TRPM3: variants seen among roughly 807,000 people sequenced by gnomAD.
TRPM3 encodes long transient receptor potential channel 3.
A neutral mutation model predicts 181.2 loss-of-function variants in TRPM3; 77 were observed. The ratio of observed to expected loss-of-function variants is 0.42; its 90% confidence interval spans 0.35 to 0.51. The LOEUF (loss-of-function observed/expected upper bound fraction) is 0.51. TRPM3 is among the 20% of genes least tolerant of loss of function. The pLI, the probability that TRPM3 is intolerant of heterozygous loss-of-function variation, is 0.01. For missense variants in TRPM3, 1,759 were observed against 2,196.7 expected, an observed-to-expected ratio of 0.80 and a Z score of 3.98; for synonymous variants, 745 against 796.4, an observed-to-expected ratio of 0.94 and a Z score of 1.09.
intron 1 of TRPM3, among the ~76,000 whole-genome samples, chr9:71,103,400 G>A (rs2068780208): frequency 6.6e-6 from 1 of 152,176 alleles, no homozygotes; most frequent in Non-Finnish European, 1.5e-5. Flanking sequence ...TCAACCTGCT[G>A]AGGTCAAAAT....
chr9:70,923,803 A>ACACT (rs1222991757), intron 1 of TRPM3, among the ~76,000 whole-genome samples: 36 of 143,472 alleles, frequency 2.5e-4, no homozygotes, highest in East Asian at 1.2e-3. Flanking sequence ...ACACACACAC[A>ACACT]CTCTCTCTCT....
At chr9:71,086,054 G>A (rs950822088) in intron 1 of TRPM3, among the ~76,000 whole-genome samples, 1 of 151,892 alleles carries the variant, frequency 6.6e-6, no homozygotes, top group Non-Finnish European at 1.5e-5. Context: ...GCAGCAACAT[G>A]GACACAGCTA....
chr9:70,977,780 AAC>A (rs1429536172), intron 1 of TRPM3, among the ~76,000 whole-genome samples: 1 of 152,202 alleles, frequency 6.6e-6, no homozygotes, highest in East Asian at 1.9e-4. Flanking sequence ...TGTTAGAAAG[AAC>A]ACAACTCAGG....
chr9:71,121,697 T>G, upstream of TRPM3: 2 of 1,020,702 alleles, frequency 2.0e-6, no homozygotes, highest in Non-Finnish European at 2.4e-6. Flanking sequence ...ATTGCTTTGC[T>G]AGCTTGGTTT....
chr9:71,333,249 G>A (rs1017780665), intron 1 of TRPM3, among the ~76,000 whole-genome samples: 18 of 151,876 alleles, frequency 1.2e-4, no homozygotes, highest in South Asian at 6.2e-4. Context: ...CTAGGGAACT[G>A]GTCAGAACTC....
intron 1 of TRPM3, among the ~76,000 whole-genome samples, chr9:71,042,347 T>C (rs369601788): frequency 3.9e-5 from 6 of 152,232 alleles, no homozygotes; most frequent in East Asian, 3.8e-4. Context: ...TCCCACTTCA[T>C]GTATATCATG....
chr9:71,021,534 G>C lies in TRPM3; in HGVS notation c.177+99644C>G, dbSNP rs1040052841. On this transcript the variant is annotated intron_variant, in intron 1 of 25. Transcript: ENST00000677713. Reference sequence around the variant, plus strand: ...TGTTACTTAGCACGCTAGGGAAATGGGTAATGAGATCTTTTTCAATTTTAA... The same window carrying C: ...TGTTACTTAGCACGCTAGGGAAATGCGTAATGAGATCTTTTTCAATTTTAA... 3.9e-5 allele frequency among the ~76,000 whole-genome samples: 6 copies of C among 152,034 alleles called. No homozygotes were observed. In the East Asian group the frequency reaches 9.6e-4, roughly 24 times the overall value.
chr9:71,294,089 T>C (rs1325376593), intron 1 of TRPM3, among the ~76,000 whole-genome samples: 1 of 152,020 alleles, frequency 6.6e-6, no homozygotes, highest in Admixed American at 6.6e-5. Flanking sequence ...TATGATATCA[T>C]AATAAAGAAT....
intron 1 of TRPM3, among the ~76,000 whole-genome samples, chr9:71,316,629 T>C (rs540913187): frequency 6.6e-6 from 1 of 152,168 alleles, no homozygotes; most frequent in East Asian, 1.9e-4. Context: ...AGCCAAGGAA[T>C]GAAGGCGACC....
At chr9:71,119,677 G>A (rs1587451602) in intron 1 of TRPM3, among the ~76,000 whole-genome samples, 2 of 152,204 alleles carry the variant, frequency 1.3e-5, no homozygotes, top group South Asian at 2.1e-4. Context: ...ATTGCACTTC[G>A]AATTACTGGA....
chr9:70,778,976 T>C (rs1317686740), intron 7 of TRPM3, among the ~76,000 whole-genome samples: 1 of 152,150 alleles, frequency 6.6e-6, no homozygotes, highest in Non-Finnish European at 1.5e-5. Flanking sequence ...TTTTGCCACA[T>C]CTCTACTAGG....
intron 22 of TRPM3, among the ~76,000 whole-genome samples, chr9:70,577,970 C>A (rs1468440502): frequency 1.3e-5 from 2 of 152,194 alleles, no homozygotes; most frequent in African/African-American, 2.4e-5. Context: ...TGACATTTTA[C>A]TTCTGAAGCT....
chr9:70,811,919 A>G (rs953220909), intron 6 of TRPM3, among the ~76,000 whole-genome samples: 1 of 152,208 alleles, frequency 6.6e-6, no homozygotes, highest in African/African-American at 2.4e-5. Flanking sequence ...ATATAAATAT[A>G]TCTACATCTA....
Position 70,838,542 on chromosome 9 carries a change from T to G in TRPM3, c.801+4461A>C, listed in dbSNP as rs150952824. Among the ~76,000 whole-genome samples the G allele has an allele frequency of 4.4e-3, 672 of 152,238 alleles. 7 individuals carry two copies. Among genetic ancestry groups the G allele is most frequent in the African/African-American group, 0.015 (637 of 41,540 alleles). ...AGAAACCTGAAAAGACTAAGACAGC[T>G]GGGGAGGAAGAAGACAGCTGTGGTA... is the stretch of plus-strand genomic sequence containing the variant. On this transcript the variant is annotated intron_variant, in intron 5 of 25. Coordinates refer to ENST00000677713, the MANE Select transcript of TRPM3 (RefSeq NM_001366145.2).
At chr9:70,593,093 C>T (rs1223587527) in intron 21 of TRPM3, among the ~76,000 whole-genome samples, 1 of 152,152 alleles carries the variant, frequency 6.6e-6, no homozygotes, top group Admixed American at 6.6e-5. Context: ...CCTTGTATGC[C>T]TTAGGACACT....
chr9:71,152,307 T>C (rs1242524946), intron 1 of TRPM3, among the ~76,000 whole-genome samples: 1 of 152,092 alleles, frequency 6.6e-6, no homozygotes, highest in Non-Finnish European at 1.5e-5. Flanking sequence ...TCAAGAAAGG[T>C]GCTGAATGTT....
At chr9:70,849,324 T>C (rs541929778) in intron 3 of TRPM3, among the ~76,000 whole-genome samples, 1 of 152,278 alleles carries the variant, frequency 6.6e-6, no homozygotes, top group South Asian at 2.1e-4. Flanking sequence ...TTTTTGTATT[T>C]TTATTATAGA....
chr9:70,995,955 T>C (rs1372674651), intron 1 of TRPM3, among the ~76,000 whole-genome samples: 1 of 152,214 alleles, frequency 6.6e-6, no homozygotes, highest in Non-Finnish European at 1.5e-5. Context: ...TTAGGCTTTA[T>C]GTGTCTCTTT....
At chr9:70,903,346 A>T (rs1309416548) in intron 1 of TRPM3, among the ~76,000 whole-genome samples, 1 of 152,164 alleles carries the variant, frequency 6.6e-6, no homozygotes. Context: ...GAAATGAGTG[A>T]CACATTTGGT....
Sources: allele counts gnomAD v4.1 joint callset (sites outside exome capture counted in the v4.1 genomes callset), GRCh38; gene constraint gnomAD v4.1.1; transcripts MANE v1.5; gene names NCBI Gene and HGNC (gene_info 2026-07-23, HGNC 2026-07-21).